CLUAP1: variants seen among roughly 807,000 people sequenced by gnomAD.
CLUAP1 encodes the protein clusterin-associated protein 1.
In CLUAP1, 50 loss-of-function variants were observed where a neutral mutation model predicts 55.0. The observed-to-expected ratio is 0.91, with a 90% CI of 0.72 to 1.15. The LOEUF (loss-of-function observed/expected upper bound fraction) is 1.15. Among genes scored for constraint, CLUAP1 ranks in the 50% most tolerant of loss-of-function variants. CLUAP1 has a pLI of 0.00. For missense variants in CLUAP1, 530 were observed against 507.6 expected (o/e 1.04, Z -0.42); for synonymous variants, 195 against 175.4 (o/e 1.11, Z -0.88).
intron 7 of CLUAP1, among the ~76,000 whole-genome samples, chr16:3,522,903 G>A (rs748543379): frequency 2.6e-5 from 4 of 151,870 alleles, no homozygotes; most frequent in Admixed American, 2.0e-4. Flanking sequence ...TAATTTTTAC[G>A]TCATTCTTCA....
rs527313906 is a variant in CLUAP1 at position 3,536,518 on chromosome 16, A to C, written c.*247A>C. ...TTATCTTCTAAAACTTGAGGAATGC[A>C]TGTGTTCTTAGTGATTCACATCCAC... On this transcript the variant is annotated 3_prime_UTR_variant, in exon 12 of 12. Transcript: ENST00000576634. 3 of 396,952 alleles carry C rather than the reference A, an allele frequency of 7.6e-6. No individual in the cohort carries two copies. The Admixed American group carries it at 1.3e-4, about 17-fold the overall frequency. 24.6% of individuals were successfully genotyped at this position (396,952 alleles called of 1,614,324 possible).
chr16:3,533,427 C>T (rs1297566203), intron 11 of CLUAP1: 2 of 485,262 alleles, frequency 4.1e-6, no homozygotes, highest in East Asian at 3.7e-5. Flanking sequence ...GGGCCGGGCT[C>T]AGGACCAACC....
At position 3,537,496 on chromosome 16, in the gene CLUAP1, C is replaced by T. The variant is rs1202461527; in HGVS notation, c.*1225C>T. ...CTAGCCTGGACAACTAAGTGAGACT[C>T]CATCTCTACAAAAAATTAAAAAATT... On this transcript the variant is annotated 3_prime_UTR_variant, in exon 12 of 12. Transcript: ENST00000576634. The T allele has an allele frequency of 6.6e-6, 1 of 151,822 alleles. No homozygotes were observed. The highest frequency in any genetic ancestry group is 1.5e-5 in the Non-Finnish European group (1 of 68,038). The allele number at this position is 151,822 out of a possible 1,614,324, so 9.4% of individuals were successfully genotyped here.
At chr16:3,518,623 A>G (rs1193279339) in intron 6 of CLUAP1, among the ~76,000 whole-genome samples, 4 of 152,236 alleles carry the variant, frequency 2.6e-5, no homozygotes, top group Non-Finnish European at 5.9e-5. Context: ...GAAGTTGTTT[A>G]GAAAGGAGAC....
At chr16:3,531,221 G>T (rs2038110397) in intron 10 of CLUAP1, among the ~76,000 whole-genome samples, 1 of 152,062 alleles carries the variant, frequency 6.6e-6, no homozygotes, top group South Asian at 2.1e-4. Flanking sequence ...ACATAGAGGG[G>T]CTCTTAAAAC....
At chr16:3,530,238 G>A (rs2038087288) in intron 9 of CLUAP1, among the ~76,000 whole-genome samples, 1 of 151,772 alleles carries the variant, frequency 6.6e-6, no homozygotes, top group South Asian at 2.1e-4. Context: ...TGTTGCATTG[G>A]GATTTAAGTT....
chr16:3,528,004 C>T (rs1198150777), intron 9 of CLUAP1, among the ~76,000 whole-genome samples: 1 of 152,196 alleles, frequency 6.6e-6, no homozygotes, highest in African/African-American at 2.4e-5. Context: ...GTCCCCCAAG[C>T]CCGGCTGTCT....
chr16:3,529,202 C>G (rs1046798788), intron 9 of CLUAP1, among the ~76,000 whole-genome samples: 2 of 151,064 alleles, frequency 1.3e-5, no homozygotes, highest in Non-Finnish European at 2.9e-5. Context: ...CTATACATCA[C>G]TTCATTCACA....
At chr16:3,504,910 T>G in intron 2 of CLUAP1, 79 bp downstream of exon 2, 1 of 882,044 alleles carries the variant, frequency 1.1e-6, no homozygotes, top group East Asian at 2.4e-5. Context: ...AGGACACAGC[T>G]GTGATGCTGC....
At chr16:3,512,946 C>T (rs2037660036) in intron 5 of CLUAP1, among the ~76,000 whole-genome samples, 1 of 152,208 alleles carries the variant, frequency 6.6e-6, no homozygotes, top group Non-Finnish European at 1.5e-5. Context: ...TCCCAAAGTG[C>T]TGGGATTACC....
chr16:3,521,666 C>A (rs1596396375), intron 7 of CLUAP1, among the ~76,000 whole-genome samples: 1 of 152,108 alleles, frequency 6.6e-6, no homozygotes, highest in East Asian at 1.9e-4. Flanking sequence ...AACTCCTGAC[C>A]TTGTGATCCA....
chr16:3,524,970 G>A (rs1371403863), intron 8 of CLUAP1, among the ~76,000 whole-genome samples: 1 of 152,154 alleles, frequency 6.6e-6, no homozygotes, highest in Non-Finnish European at 1.5e-5. Flanking sequence ...GCCCTTGACA[G>A]CTTTTGGTAT....
chr16:3,536,326 G>C lies in CLUAP1; in HGVS notation c.*55G>C. ...AAACCCTCAGACTTGTAGGTAAATG[G>C]GAACTTAGAAGGTTAGGAAGGTAAC... On this transcript the variant is annotated 3_prime_UTR_variant, in exon 12 of 12. Coordinates refer to ENST00000576634, the MANE Select transcript of CLUAP1 (RefSeq NM_015041.3). 6.3e-7 allele frequency: 1 copy of C among 1,583,672 alleles called. No homozygotes were observed. The highest frequency in any genetic ancestry group is 8.6e-7 in the Non-Finnish European group (1 of 1,161,156).
At chr16:3,516,744 C>G (rs2037736538) in intron 6 of CLUAP1, among the ~76,000 whole-genome samples, 1 of 152,194 alleles carries the variant, frequency 6.6e-6, no homozygotes, top group African/African-American at 2.4e-5. Context: ...GACACCCACA[C>G]TCATACATTT....
chr16:3,517,168 A>C (rs1244370191), intron 6 of CLUAP1, among the ~76,000 whole-genome samples: 2 of 147,330 alleles, frequency 1.4e-5, no homozygotes, highest in Non-Finnish European at 3.0e-5. Context: ...TCTGTTGCCC[A>C]GGCTGGAGTA....
At chr16:3,496,737 G>C, upstream of CLUAP1, 1 of 524,848 alleles carries the variant, frequency 1.9e-6, no homozygotes, top group Non-Finnish European at 3.8e-6. Flanking sequence ...GAGCGCGCCA[G>C]AGGCCTACGG....
chr16:3,505,921 C>T (rs959106998), intron 2 of CLUAP1, among the ~76,000 whole-genome samples: 1 of 152,112 alleles, frequency 6.6e-6, no homozygotes, highest in Non-Finnish European at 1.5e-5. Context: ...CTGTACAGGT[C>T]GGAGGCTGCA....
At chr16:3,498,051 G>A (rs1362490177), upstream of CLUAP1, among the ~76,000 whole-genome samples, 1 of 152,094 alleles carries the variant, frequency 6.6e-6, no homozygotes, top group East Asian at 1.9e-4. Flanking sequence ...CAGGAAAACT[G>A]GTGCTGTAAT....
At chr16:3,529,636 T>TATATTATATAA (rs1203669726) in intron 9 of CLUAP1, among the ~76,000 whole-genome samples, 2 of 27,558 alleles carry the variant, frequency 7.3e-5, no homozygotes, top group Non-Finnish European at 1.0e-4. Flanking sequence ...TTATATATTA[T>TATATTATATAA]TATATATTAT....
Sources: allele counts gnomAD v4.1 joint callset (sites outside exome capture counted in the v4.1 genomes callset), GRCh38; gene constraint gnomAD v4.1.1; transcripts MANE v1.5; gene names NCBI Gene and HGNC (gene_info 2026-07-23, HGNC 2026-07-21).